The following HERC3 variants were observed in gnomAD, a reference collection of about 807,000 sequenced individuals.
HERC3 encodes HECT and RLD domain containing E3 ubiquitin protein ligase 3.
Under a neutral mutation model 129.9 loss-of-function variants are expected in HERC3, and 58 were observed. The observed-to-expected ratio is 0.45, with a 90% CI of 0.36 to 0.56. HERC3 has a LOEUF of 0.56. Ranked by LOEUF, HERC3 falls within the 20% of genes least tolerant of loss-of-function variation. The probability of loss-of-function intolerance (pLI) is 0.00; values close to 1 mark genes in which losing one functional copy is unlikely to be tolerated. For synonymous variants in HERC3, 430 were observed against 451.0 expected (o/e 0.95, Z 0.59); for missense variants, 835 against 1,244.2 (o/e 0.67, Z 4.95).
At chr4:88,704,766 C>T (rs940679402) in intron 25 of HERC3, among the ~76,000 whole-genome samples, 156 bp downstream of exon 25, 2 of 152,052 alleles carry the variant, frequency 1.3e-5, no homozygotes, top group South Asian at 2.1e-4. Flanking sequence ...TTATCTCAGG[C>T]ACAATATAGG....
At chr4:88,527,672 T>G in the HERC3 span, 1 of 303,954 alleles carries the variant, frequency 3.3e-6, no homozygotes, top group Non-Finnish European at 6.4e-6. Flanking sequence ...CCGGGCAATG[T>G]GCTTGTCATC....
chr4:88,606,668 CAA>C (rs899225845), intron 3 of HERC3, among the ~76,000 whole-genome samples: 1 of 152,114 alleles, frequency 6.6e-6, no homozygotes, highest in African/African-American at 2.4e-5. Flanking sequence ...TGGCGGCAGA[CAA>C]GAGAAGAGAG....
intron 3 of HERC3, among the ~76,000 whole-genome samples, chr4:88,609,251 C>T (rs1173481879): frequency 6.6e-6 from 1 of 152,038 alleles, no homozygotes; most frequent in Admixed American, 6.6e-5. Flanking sequence ...TCATTGCACT[C>T]CAGCCTGGGC....
intron 3 of HERC3, among the ~76,000 whole-genome samples, chr4:88,639,038 C>G (rs1560705897): frequency 6.6e-6 from 1 of 151,988 alleles, no homozygotes; most frequent in Non-Finnish European, 1.5e-5. Context: ...TAACAAGGGA[C>G]ATAAAGGACC....
At chr4:88,623,827 G>A (rs1725804927) in intron 3 of HERC3, among the ~76,000 whole-genome samples, 1 of 152,128 alleles carries the variant, frequency 6.6e-6, no homozygotes, top group African/African-American at 2.4e-5. Flanking sequence ...CGCAGTAGGA[G>A]TCACCAATTT....
chr4:88,618,049 G>A (rs552090844), intron 3 of HERC3, among the ~76,000 whole-genome samples: 17 of 152,332 alleles, frequency 1.1e-4, no homozygotes, highest in African/African-American at 4.1e-4. Flanking sequence ...GGAGAGAAAG[G>A]AACGATAGGA....
chr4:88,666,577 A>G (rs1359324497), intron 12 of HERC3, among the ~76,000 whole-genome samples: 2 of 152,220 alleles, frequency 1.3e-5, no homozygotes, highest in Non-Finnish European at 2.9e-5. Flanking sequence ...AAAAATTATA[A>G]CATTGCTGTC....
chr4:88,600,761 A>G (rs1009891704), intron 2 of HERC3, among the ~76,000 whole-genome samples: 1 of 152,248 alleles, frequency 6.6e-6, no homozygotes, highest in Non-Finnish European at 1.5e-5. Context: ...TTGATTCATT[A>G]ACATTGAACT....
chr4:88,527,593 G>A, the HERC3 span: 1 of 217,872 alleles, frequency 4.6e-6, no homozygotes, highest in Non-Finnish European at 9.1e-6. Context: ...GGCTGCTGCA[G>A]TTATGGGGAT....
At chr4:88,693,703 G>A (rs1734307405) in intron 23 of HERC3, 1 of 983,844 alleles carries the variant, frequency 1.0e-6, no homozygotes, top group Non-Finnish European at 1.2e-6. Flanking sequence ...TGCATTGAGT[G>A]TACATTCTCA....
intron 3 of HERC3, among the ~76,000 whole-genome samples, chr4:88,645,853 G>A (rs1198002151): frequency 6.6e-6 from 1 of 152,112 alleles, no homozygotes; most frequent in African/African-American, 2.4e-5. Flanking sequence ...CTCAGATAAG[G>A]GGGAACTACT....
chr4:88,694,222 G>A (rs1734364053), intron 23 of HERC3, among the ~76,000 whole-genome samples: 1 of 152,200 alleles, frequency 6.6e-6, no homozygotes, highest in East Asian at 1.9e-4. Context: ...CGCAGCATTA[G>A]GTGAGTTCTT....
intron 3 of HERC3, among the ~76,000 whole-genome samples, chr4:88,612,586 T>C (rs1458482513): frequency 2.0e-5 from 3 of 152,152 alleles, no homozygotes; most frequent in African/African-American, 4.8e-5. Flanking sequence ...CACATTCCTC[T>C]CTCACATGAC....
At chr4:88,675,149 G>A (rs1732027330) in intron 16 of HERC3, among the ~76,000 whole-genome samples, 1 of 152,160 alleles carries the variant, frequency 6.6e-6, no homozygotes, top group Admixed American at 6.5e-5. Flanking sequence ...CTGCTGTCAG[G>A]CCCTGGTGCT....
Position 88,667,923 on chromosome 4 carries a change from C to T in HERC3, c.1475C>T (p.Pro492Leu). The T allele has an allele frequency of 6.2e-7, 1 of 1,612,962 alleles. No individual in the cohort carries two copies. The highest frequency in any genetic ancestry group is 2.2e-5 in the East Asian group (1 of 44,844). Residue 492 changes from proline to leucine, a missense_variant, in exon 14 of 26, where the codon CCC becomes CTC. Transcript: ENST00000402738. ...ILNSFESCLI[P>L]QLSSSPPDVE... is the part of the protein sequence containing the mutation. ...AACAGTTTTGAAAGTTGTCTGATTC[C>T]CCAGTTGTCAAGCTCACCACCAGAT...
At chr4:88,654,817 C>T (rs188875388) in intron 7 of HERC3, among the ~76,000 whole-genome samples, 5 of 152,142 alleles carry the variant, frequency 3.3e-5, no homozygotes, top group African/African-American at 1.2e-4. Context: ...TGTAGAGCAC[C>T]TAATTTCTTA....
chr4:88,595,121 AAAG>A (rs1323510740), intron 1 of HERC3, among the ~76,000 whole-genome samples: 35 of 151,186 alleles, frequency 2.3e-4, no homozygotes, highest in Non-Finnish European at 4.0e-4. Flanking sequence ...AAAAAAAAAA[AAAG>A]AAAAGGAATG....
intron 16 of HERC3, among the ~76,000 whole-genome samples, chr4:88,673,799 A>G (rs1731864207): frequency 6.6e-6 from 1 of 152,212 alleles, no homozygotes. Context: ...GACTTACAAA[A>G]AGTCTGTGGA....
intron 3 of HERC3, among the ~76,000 whole-genome samples, chr4:88,643,285 G>A (rs1467386644): frequency 5.3e-5 from 8 of 152,130 alleles, no homozygotes; most frequent in Admixed American, 1.3e-4. Context: ...GGCCCTTAAC[G>A]TATTATAGCA....
Sources: allele counts gnomAD v4.1 joint callset (sites outside exome capture counted in the v4.1 genomes callset), GRCh38; gene constraint gnomAD v4.1.1; transcripts MANE v1.5; gene names NCBI Gene and HGNC (gene_info 2026-07-23, HGNC 2026-07-21).